The following ACSS1 variants were observed in gnomAD, a reference collection of about 807,000 sequenced individuals.
ACSS1 encodes acetyl-coenzyme A synthetase 2-like, mitochondrial.
ACSS1 carries 42 observed loss-of-function variants against 75.3 expected under a neutral mutation model. The observed-to-expected ratio is 0.56, with a 90% CI of 0.44 to 0.72. The LOEUF is 0.72. Ranked by LOEUF, ACSS1 falls within the 30% of genes least tolerant of loss-of-function variation. The pLI is 0.00. For missense variants in ACSS1, 782 were observed against 935.7 expected (o/e 0.84, Z 2.14); for synonymous variants, 380 against 376.8 (o/e 1.01, Z -0.10).
intron 2 of ACSS1, among the ~76,000 whole-genome samples, chr20:25,047,524 CAAG>C (rs2089114890): frequency 6.6e-6 from 1 of 152,154 alleles, no homozygotes. Context: ...AGTAATTGGA[CAAG>C]AAGACCCTGG....
At chr20:25,020,411 G>A (rs2088601609) in intron 6 of ACSS1, among the ~76,000 whole-genome samples, 1 of 152,198 alleles carries the variant, frequency 6.6e-6, no homozygotes, top group South Asian at 2.1e-4. Context: ...GGCTTAGGGT[G>A]ATGGCCTAGT....
chr20:25,027,497 T>C (rs539810893), intron 3 of ACSS1, among the ~76,000 whole-genome samples: 39 of 152,260 alleles, frequency 2.6e-4, no homozygotes, highest in Admixed American at 7.2e-4. Flanking sequence ...CAACAATTAA[T>C]CACTGTAATA....
chr20:25,023,303 T>C lies in ACSS1; in HGVS notation c.807+163A>G, dbSNP rs112329481. Reference sequence around the variant, plus strand: ...TAAGTGTTCCAACATGCTTGTCGTATAGGAGTTTTATCTTCCCAGTCAGGA... The same window carrying C: ...TAAGTGTTCCAACATGCTTGTCGTACAGGAGTTTTATCTTCCCAGTCAGGA... On this transcript the variant is annotated intron_variant, in intron 4 of 13. Transcript: ENST00000323482. Among the ~76,000 whole-genome samples, 1,470 of 152,284 alleles carry C rather than the reference T, an allele frequency of 9.7e-3. 24 individuals are homozygous for C. The highest frequency in any genetic ancestry group is 0.033 in the African/African-American group (1,376 of 41,532).
At chr20:25,057,714 G>C (rs1600358625) in intron 1 of ACSS1, 55 bp downstream of exon 1, 2 of 1,475,990 alleles carry the variant, frequency 1.4e-6, no homozygotes, top group East Asian at 5.0e-5. Flanking sequence ...GAGGCTCCGA[G>C]TCCCCTCGGG....
At chr20:25,036,997 G>A (rs201605626) in intron 2 of ACSS1, among the ~76,000 whole-genome samples, 13 of 115,880 alleles carry the variant, frequency 1.1e-4, no homozygotes, top group Middle Eastern at 4.0e-3. Context: ...AAGAAAGAAA[G>A]AAGAAAGAAA....
chr20:25,020,624 C>A (rs141135816), intron 6 of ACSS1, among the ~76,000 whole-genome samples: 1 of 152,370 alleles, frequency 6.6e-6, no homozygotes, highest in Admixed American at 6.5e-5. Context: ...CCACACCATC[C>A]CCTCCACATG....
chr20:25,051,783 T>C (rs2089178867), intron 1 of ACSS1, among the ~76,000 whole-genome samples: 1 of 152,170 alleles, frequency 6.6e-6, no homozygotes, highest in Non-Finnish European at 1.5e-5. Flanking sequence ...GGGTCTAAAG[T>C]CCAGCCCCTG....
chr20:25,016,001 G>A (rs569954016), intron 7 of ACSS1, among the ~76,000 whole-genome samples: 5 of 152,314 alleles, frequency 3.3e-5, no homozygotes, highest in Admixed American at 2.6e-4. Flanking sequence ...TATGTAAAGG[G>A]TGTCCTCAGC....
chr20:25,021,610 T>C lies in ACSS1; in HGVS notation c.961-74A>G, dbSNP rs1357647025. The C allele has an allele frequency of 3.9e-6, 6 of 1,548,138 alleles. No individual in the cohort carries two copies. The Admixed American group carries it at 1.1e-4, about 29-fold the overall frequency. On this transcript the variant is annotated intron_variant, in intron 5 of 13. Transcript: ENST00000323482. ...ATGTTCACACCAGGTCACTAGGAAA[T>C]AGGCATGCATAGGCTGCAGTCCATA...
At chr20:25,057,494 C>G (rs1014464704) in intron 1 of ACSS1, among the ~76,000 whole-genome samples, 1 of 152,178 alleles carries the variant, frequency 6.6e-6, no homozygotes, top group Non-Finnish European at 1.5e-5. Flanking sequence ...GGAGCCGCGC[C>G]GAGCAAGGCC....
At chr20:25,048,324 T>A (rs2089129344) in intron 1 of ACSS1, 143 bp from the exon 2 acceptor site, 1 of 648,270 alleles carries the variant, frequency 1.5e-6, no homozygotes, top group South Asian at 1.9e-5. Flanking sequence ...TCAGTGATGA[T>A]GTTTCTACCC....
intron 3 of ACSS1, among the ~76,000 whole-genome samples, chr20:25,029,208 T>A (rs1444867940): frequency 6.6e-6 from 1 of 152,142 alleles, no homozygotes; most frequent in Non-Finnish European, 1.5e-5. Context: ...GCAATTAAAA[T>A]ATGGGCAAAC....
chr20:25,019,187 C>A (rs1172666398), intron 7 of ACSS1, among the ~76,000 whole-genome samples: 1 of 152,246 alleles, frequency 6.6e-6, no homozygotes, highest in East Asian at 1.9e-4. Flanking sequence ...AGGTGGCTGA[C>A]CACGCGTGAC....
rs907207833 is a variant in ACSS1 at position 25,009,278 on chromosome 20, C to T, written c.1882G>A (p.Glu628Lys). 6.2e-7 allele frequency: 1 copy of T among 1,612,764 alleles called. No individual in the cohort carries two copies. Among genetic ancestry groups the T allele is most frequent in the African/African-American group, 1.3e-5 (1 of 74,924 alleles). The change falls in exon 13 of 14, where the codon GAG becomes AAG. Residue 628 changes from glutamate to lysine, a missense_variant. By Grantham distance (56) the Glu-to-Lys change is moderately conservative (BLOSUM62 1). Transcript: ENST00000323482. ...GTGGGAGGCCCACTCACCAGGATCTCATCAGGCACAGCATATTTGGCGATC... is the reference window on the plus strand; with the variant it reads ...GTGGGAGGCCCACTCACCAGGATCTTATCAGGCACAGCATATTTGGCGATC... Reference protein sequence around the residue: ...TKIAKYAVPDEILVVKRLPKT... With the variant: ...TKIAKYAVPDKILVVKRLPKT...
chr20:25,034,425 C>T (rs1044676289), intron 2 of ACSS1, among the ~76,000 whole-genome samples: 3 of 152,080 alleles, frequency 2.0e-5, no homozygotes, highest in African/African-American at 7.2e-5. Flanking sequence ...GAAGCTTTTC[C>T]TCCCCAGGTT....
chr20:25,055,905 G>A (rs2089234549), intron 1 of ACSS1, among the ~76,000 whole-genome samples: 1 of 152,160 alleles, frequency 6.6e-6, no homozygotes. Context: ...TCTTCTCTAT[G>A]GTTTGCAGAC....
At chr20:25,033,725 G>A (rs764054447) in intron 2 of ACSS1, among the ~76,000 whole-genome samples, 1 of 152,234 alleles carries the variant, frequency 6.6e-6, no homozygotes, top group Non-Finnish European at 1.5e-5. Flanking sequence ...ACATGTGAAG[G>A]TGTGCAGGGC....
At chr20:25,042,106 C>T (rs1352790041) in intron 2 of ACSS1, among the ~76,000 whole-genome samples, 1 of 152,178 alleles carries the variant, frequency 6.6e-6, no homozygotes, top group African/African-American at 2.4e-5. Flanking sequence ...AAAGAGGTCT[C>T]TGTGGACATA....
At chr20:25,029,027 T>A (rs1385246417) in intron 3 of ACSS1, among the ~76,000 whole-genome samples, 1 of 152,182 alleles carries the variant, frequency 6.6e-6, no homozygotes, top group Non-Finnish European at 1.5e-5. Context: ...AAAAAATAGA[T>A]AAATTAGACT....
Sources: allele counts gnomAD v4.1 joint callset (sites outside exome capture counted in the v4.1 genomes callset), GRCh38; gene constraint gnomAD v4.1.1; transcripts MANE v1.5; gene names NCBI Gene and HGNC (gene_info 2026-07-23, HGNC 2026-07-21).